Variants in NCAM2 observed in about 807,000 individuals in gnomAD.
NCAM2 encodes the protein neural cell adhesion molecule 2.
NCAM2 carries 30 observed loss-of-function variants against 98.1 expected under a neutral mutation model. That is an observed-to-expected ratio of 0.31 (90% CI 0.23 to 0.41). NCAM2 has a LOEUF of 0.41. Among genes scored for constraint, NCAM2 ranks in the 10% least tolerant of loss-of-function variants. The pLI is 1.00. For synonymous variants in NCAM2, 368 were observed against 342.4 expected (o/e 1.07, Z -0.83); for missense variants, 867 against 1,005.8 (o/e 0.86, Z 1.87).
At chr21:21,348,867 G>A (rs116870105) in intron 8 of NCAM2, among the ~76,000 whole-genome samples, 1,586 of 152,124 alleles carry the variant, frequency 0.01, 13 homozygotes, top group Non-Finnish European at 0.017. Flanking sequence ...TGGCGCTGGG[G>A]AAACTGGATA....
chr21:21,196,508 C>T (rs1482364499), intron 1 of NCAM2, among the ~76,000 whole-genome samples: 2 of 152,204 alleles, frequency 1.3e-5, no homozygotes, highest in Non-Finnish European at 2.9e-5. Context: ...TTGGACTCTA[C>T]TTCACAAAGA....
At chr21:21,160,496 CT>C (rs1365068397) in intron 1 of NCAM2, among the ~76,000 whole-genome samples, 9 of 151,824 alleles carry the variant, frequency 5.9e-5, no homozygotes, top group Admixed American at 5.9e-4. Flanking sequence ...ATCCTAAAGT[CT>C]TACAATATTT....
At chr21:21,262,052 G>T (rs897279729) in intron 1 of NCAM2, among the ~76,000 whole-genome samples, 8 of 152,062 alleles carry the variant, frequency 5.3e-5, no homozygotes, top group African/African-American at 1.7e-4. Flanking sequence ...ACAAATAAAA[G>T]AAATACTCAA....
At chr21:21,200,110 AAAGAG>A (rs1425086141) in intron 1 of NCAM2, among the ~76,000 whole-genome samples, 1 of 152,108 alleles carries the variant, frequency 6.6e-6, no homozygotes, top group Admixed American at 6.6e-5. Context: ...CCCAAAAGAG[AAAGAG>A]AAGAGAGTAA....
chr21:21,343,098 G>T (rs2847454), intron 8 of NCAM2, among the ~76,000 whole-genome samples: 65,835 of 151,980 alleles, frequency 0.43, 14,464 homozygotes, highest in East Asian at 0.59. Flanking sequence ...TTTAAAACTT[G>T]TTTATAATCT....
chr21:21,155,576 C>T (rs962025419), intron 1 of NCAM2, among the ~76,000 whole-genome samples: 3 of 151,746 alleles, frequency 2.0e-5, no homozygotes, highest in African/African-American at 7.3e-5. Flanking sequence ...AAATAAATGG[C>T]TTATTAATGT....
At chr21:21,082,143 G>T (rs940010490) in intron 1 of NCAM2, among the ~76,000 whole-genome samples, 3 of 147,416 alleles carry the variant, frequency 2.0e-5, no homozygotes, top group African/African-American at 7.9e-5. Flanking sequence ...CAGGAGAATC[G>T]CTTGAACCCG....
chr21:21,463,350 G>A (rs887060137), intron 12 of NCAM2, among the ~76,000 whole-genome samples: 7 of 152,038 alleles, frequency 4.6e-5, no homozygotes, highest in African/African-American at 7.2e-5. Flanking sequence ...TCATGTTCAC[G>A]CAGTGTTAAT....
chr21:21,040,346 C>T (rs1457551159), intron 1 of NCAM2, among the ~76,000 whole-genome samples: 6 of 152,146 alleles, frequency 3.9e-5, no homozygotes, highest in Non-Finnish European at 7.4e-5. Context: ...CCTACTCATT[C>T]TCTCTGACTG....
chr21:21,224,401 C>T (rs1351444376), intron 1 of NCAM2, among the ~76,000 whole-genome samples: 1 of 152,020 alleles, frequency 6.6e-6, no homozygotes, highest in Admixed American at 6.6e-5. Flanking sequence ...TAAACAAATA[C>T]GTAGATACTA....
chr21:21,389,023 A>G (rs2076327436), intron 9 of NCAM2, among the ~76,000 whole-genome samples: 1 of 152,218 alleles, frequency 6.6e-6, no homozygotes, highest in Non-Finnish European at 1.5e-5. Flanking sequence ...AATCTGGGTA[A>G]CTGGGATATC....
chr21:21,397,146 G>A (rs1226223998), intron 9 of NCAM2, among the ~76,000 whole-genome samples: 1 of 152,156 alleles, frequency 6.6e-6, no homozygotes, highest in Non-Finnish European at 1.5e-5. Context: ...CTGAGTCGGG[G>A]TTTTATGGGC....
intron 8 of NCAM2, among the ~76,000 whole-genome samples, chr21:21,352,289 G>A (rs1438594593): frequency 6.6e-6 from 1 of 151,928 alleles, no homozygotes; most frequent in Non-Finnish European, 1.5e-5. Context: ...TGGTGGTGGT[G>A]GTGGTGGTGT....
At chr21:21,426,289 A>C (rs1373673215) in intron 11 of NCAM2, among the ~76,000 whole-genome samples, 3 of 152,308 alleles carry the variant, frequency 2.0e-5, no homozygotes, top group African/African-American at 7.2e-5. Context: ...GATAGAACCT[A>C]TCTCAGCATA....
intron 1 of NCAM2, among the ~76,000 whole-genome samples, chr21:21,195,161 G>A (rs936788241): frequency 3.3e-5 from 5 of 152,064 alleles, no homozygotes; most frequent in East Asian, 1.9e-4. Flanking sequence ...TCATTTGTTC[G>A]TATTGCTATA....
At chr21:21,275,241 C>A (rs1051339495) in intron 1 of NCAM2, among the ~76,000 whole-genome samples, 2 of 151,666 alleles carry the variant, frequency 1.3e-5, no homozygotes, top group Admixed American at 1.3e-4. Flanking sequence ...GAGATTGAGA[C>A]CATCCTGGCT....
chr21:21,396,914 A>G (rs536576291), intron 9 of NCAM2, among the ~76,000 whole-genome samples: 15 of 152,302 alleles, frequency 9.8e-5, no homozygotes, highest in Non-Finnish European at 1.9e-4. Context: ...CGTGGCAAGT[A>G]GGGGGCATGT....
intron 5 of NCAM2, among the ~76,000 whole-genome samples, chr21:21,301,639 G>T (rs1442991668): frequency 7.3e-6 from 1 of 136,812 alleles, no homozygotes; most frequent in African/African-American, 2.8e-5. Flanking sequence ...TGCGGTGTTT[G>T]GTTTTTTGTT....
intron 1 of NCAM2, among the ~76,000 whole-genome samples, chr21:21,196,065 C>T (rs2068993652): frequency 6.6e-6 from 1 of 152,106 alleles, no homozygotes; most frequent in South Asian, 2.1e-4. Flanking sequence ...TTTTGTAATC[C>T]TACATGATTT....
Sources: gnomAD v4.1 joint callset for allele counts (sites outside exome capture counted in the v4.1 genomes callset) on GRCh38, gnomAD v4.1.1 for gene constraint, MANE v1.5 for transcripts, NCBI Gene and HGNC (gene_info 2026-07-23, HGNC 2026-07-21) for gene names.